NUP188: variants seen among roughly 807,000 people sequenced by gnomAD.
The protein encoded by NUP188 is nucleoporin NUP188.
NUP188 carries 97 observed loss-of-function variants against 223.0 expected under a neutral mutation model. The observed-to-expected ratio is 0.43, with a 90% CI of 0.37 to 0.51. NUP188 has a LOEUF of 0.51. NUP188 is among the 20% of genes least tolerant of loss of function. The probability of loss-of-function intolerance (pLI) is 0.00; values close to 1 mark genes in which losing one functional copy is unlikely to be tolerated. For synonymous variants in NUP188, 869 were observed against 828.0 expected, an observed-to-expected ratio of 1.05 and a Z score of -0.85; for missense variants, 1,947 against 2,175.6, an observed-to-expected ratio of 0.89 and a Z score of 2.09.
intron 2 of NUP188, among the ~76,000 whole-genome samples, chr9:128,951,392 T>A (rs1841783270): frequency 6.6e-6 from 1 of 151,122 alleles, no homozygotes; most frequent in South Asian, 2.1e-4. Flanking sequence ...GGTGGAAAGA[T>A]CGCTTAAGCT....
intron 5 of NUP188, 131 bp downstream of exon 5, chr9:128,957,163 AC>A: frequency 1.7e-6 from 1 of 599,846 alleles, no homozygotes; most frequent in Non-Finnish European, 2.9e-6. Context: ...TTCAGGGAAG[AC>A]CTACTAAAGG....
chr9:129,003,482 T>C, intron 38 of NUP188, 28 bp downstream of exon 38: 1 of 1,603,534 alleles, frequency 6.2e-7, no homozygotes, highest in Non-Finnish European at 8.5e-7. Flanking sequence ...TGTCTTGGAG[T>C]CTGGGGTAAT....
intron 25 of NUP188, among the ~76,000 whole-genome samples, chr9:128,991,874 A>G (rs1182793469): frequency 6.7e-6 from 1 of 148,240 alleles, no homozygotes; most frequent in African/African-American, 2.5e-5. Flanking sequence ...TTTGTTCTTG[A>G]TAAAAGCAGA....
At position 128,998,243 on chromosome 9, in the gene NUP188, G is replaced by A. The variant is rs1053438041; in HGVS notation, c.3429+15G>A. 6 of 1,605,624 alleles carry A rather than the reference G, an allele frequency of 3.7e-6. No homozygotes were observed. In the African/African-American group the frequency reaches 8.0e-5, roughly 21 times the overall value. ...CCAAAGCATTAGTAAGTGTGTCTGG[G>A]AGATTTTACATTTCTCCCAGGGAGG... On this transcript the variant is annotated intron_variant, in intron 31 of 43. Coordinates refer to ENST00000372577, the MANE Select transcript of NUP188 (RefSeq NM_015354.3).
chr9:128,998,489 C>T (rs1024693480), intron 31 of NUP188, 49 bp from the exon 32 acceptor site: 3 of 1,496,524 alleles, frequency 2.0e-6, no homozygotes, highest in Non-Finnish European at 2.8e-6. Flanking sequence ...CTGTGGATGG[C>T]ATGCGAATCT....
chr9:128,984,392 C>T (rs1424570103), intron 19 of NUP188, among the ~76,000 whole-genome samples: 1 of 152,120 alleles, frequency 6.6e-6, no homozygotes. Flanking sequence ...TCCCAAAGTG[C>T]TGGGATTACA....
chr9:128,996,186 G>A (rs578092120), intron 30 of NUP188, among the ~76,000 whole-genome samples: 1 of 150,336 alleles, frequency 6.7e-6, no homozygotes, highest in African/African-American at 2.5e-5. Flanking sequence ...GTCTTGCTCC[G>A]TCACCCAGGC....
intron 6 of NUP188, among the ~76,000 whole-genome samples, chr9:128,958,299 G>A (rs1841899206): frequency 6.6e-6 from 1 of 152,128 alleles, no homozygotes; most frequent in Non-Finnish European, 1.5e-5. Context: ...TTTTTCTTTA[G>A]GTGTAAGTCC....
intron 41 of NUP188, 70 bp downstream of exon 41, chr9:129,005,846 C>T (rs1052250028): frequency 5.2e-6 from 8 of 1,538,936 alleles, no homozygotes; most frequent in Admixed American, 2.0e-5. Flanking sequence ...TCCCAGCTGA[C>T]CTTGGGCATG....
intron 38 of NUP188, 44 bp from the exon 39 acceptor site, chr9:129,005,103 C>T: frequency 1.3e-6 from 2 of 1,507,658 alleles, no homozygotes; most frequent in African/African-American, 2.7e-5. Context: ...GGTGACTGGG[C>T]TGCTGACAAG....
At chr9:128,955,821 T>C (rs1398467595) in intron 3 of NUP188, among the ~76,000 whole-genome samples, 1 of 152,102 alleles carries the variant, frequency 6.6e-6, no homozygotes, top group Non-Finnish European at 1.5e-5. Flanking sequence ...AAGCAGGATC[T>C]GGGTGCTGCA....
chr9:128,971,014 A>AC, intron 11 of NUP188, 56 bp downstream of exon 11: 11 of 1,339,218 alleles, frequency 8.2e-6, no homozygotes, highest in Middle Eastern at 1.8e-4. Context: ...AAGCATTATA[A>AC]TAATGTAATA....
intron 38 of NUP188, chr9:129,004,921 A>G (rs1456409223): frequency 5.2e-6 from 3 of 576,224 alleles, no homozygotes; most frequent in Non-Finnish European, 9.3e-6. Context: ...TAGTGGCTAT[A>G]GGGGCTTTAA....
In NUP188 at chr9:128,987,086, AGAGT is replaced by A. The variant is rs1320594032; in HGVS notation, c.2264+213_2264+216del. Among the ~76,000 whole-genome samples the A allele has an allele frequency of 9.0e-3, 1,155 of 128,350 alleles. 4 individuals are homozygous for A. The highest frequency in any genetic ancestry group is 0.011 in the Middle Eastern group (3 of 262). The allele number at this position is 128,350 out of a possible 152,430, so 84.2% of individuals were successfully genotyped here. A position where few individuals can be genotyped will look rare whatever the true frequency, so the allele number is the denominator to read the frequency against. On this transcript the variant is annotated intron_variant, in intron 22 of 43. Coordinates refer to ENST00000372577, the MANE Select transcript of NUP188 (RefSeq NM_015354.3). Reference sequence around the variant, plus strand: ...GAATGAGAGAGAGAGAGAGAGAGAGAGAGTGTGTGTGTGTGTGTGTGTGTGTGTG... The same window carrying A: ...GAATGAGAGAGAGAGAGAGAGAGAGAGTGTGTGTGTGTGTGTGTGTGTGTG...
At chr9:128,952,937 T>A in intron 3 of NUP188, 91 bp downstream of exon 3, 1 of 1,004,656 alleles carries the variant, frequency 1.0e-6, no homozygotes, top group Non-Finnish European at 1.6e-6. Flanking sequence ...GATGATATTG[T>A]AGGGTTATGT....
rs535658132 is a variant in NUP188, at chr9:128,963,327, C to T, written c.585+4193C>T. Among the ~76,000 whole-genome samples, 34 of 149,772 alleles carry T rather than the reference C, an allele frequency of 2.3e-4. No homozygotes were observed. The South Asian group carries it at 3.8e-3, about 17-fold the overall frequency. On this transcript the variant is annotated intron_variant, in intron 8 of 43. Coordinates refer to ENST00000372577, the MANE Select transcript of NUP188 (RefSeq NM_015354.3). ...TTGAGACGGAGTCTCGCTCTGTCGCCCAGGCTGGAGTTCAGTGGCGCGATT... is the reference window on the plus strand; with the variant it reads ...TTGAGACGGAGTCTCGCTCTGTCGCTCAGGCTGGAGTTCAGTGGCGCGATT...
chr9:128,988,255 G>T (rs1003962988), intron 24 of NUP188, 69 bp downstream of exon 24: 16 of 1,551,450 alleles, frequency 1.0e-5, no homozygotes, highest in Middle Eastern at 1.7e-4. Context: ...TCATAAATAC[G>T]TATCTTAGGC....
chr9:128,973,721 T>C (rs1340706419), intron 12 of NUP188, among the ~76,000 whole-genome samples: 3 of 152,090 alleles, frequency 2.0e-5, no homozygotes, highest in East Asian at 1.9e-4. Context: ...TAAATGTTAA[T>C]TGTAGAAAAA....
chr9:128,995,394 G>A lies in NUP188; in HGVS notation c.3231G>A (p.Gly1077=). Residue 1077 remains glycine, a synonymous_variant, in exon 30 of 44, where the codon GGG becomes GGA. Coordinates refer to ENST00000372577, the MANE Select transcript of NUP188 (RefSeq NM_015354.3). ...AGAAACGCTTTGCCTACTGGTCAGGGTATGTCAAGTCATTGGCAGTTCACG... is the reference window on the plus strand; with the variant it reads ...AGAAACGCTTTGCCTACTGGTCAGGATATGTCAAGTCATTGGCAGTTCACG... ...SIEKRFAYWS[G]YVKSLAVHVA... The A allele has an allele frequency of 6.2e-7, 1 of 1,614,072 alleles. No homozygotes were observed. The highest frequency in any genetic ancestry group is 8.5e-7 in the Non-Finnish European group (1 of 1,179,938).
Sources: allele counts gnomAD v4.1 joint callset (sites outside exome capture counted in the v4.1 genomes callset), GRCh38; gene constraint gnomAD v4.1.1; transcripts MANE v1.5; gene names NCBI Gene and HGNC (gene_info 2026-07-23, HGNC 2026-07-21).